CCDC73: variants seen among roughly 807,000 people sequenced by gnomAD.
CCDC73 encodes the protein coiled-coil domain containing 73, also known as coiled-coil domain-containing protein 73.
In CCDC73, 95 loss-of-function variants were observed where a neutral mutation model predicts 116.5. The observed-to-expected ratio is 0.82, with a 90% CI of 0.69 to 0.97. CCDC73 has a LOEUF of 0.97. Among genes scored for constraint, CCDC73 ranks in the 50% least tolerant of loss-of-function variants. The probability of loss-of-function intolerance (pLI) is 0.00; values close to 1 mark genes in which losing one functional copy is unlikely to be tolerated. For synonymous variants in CCDC73, 398 were observed against 401.3 expected, an observed-to-expected ratio of 0.99 and a Z score of 0.10; for missense variants, 1,066 against 1,206.8, an observed-to-expected ratio of 0.88 and a Z score of 1.73.
intron 14 of CCDC73, among the ~76,000 whole-genome samples, chr11:32,623,797 G>T (rs1855544240): frequency 1.3e-5 from 2 of 152,170 alleles, no homozygotes; most frequent in Non-Finnish European, 2.9e-5. Flanking sequence ...AAGTTTTTTT[G>T]TTATTTGTTT....
intron 1 of CCDC73, among the ~76,000 whole-genome samples, chr11:32,760,737 A>C (rs573015647): frequency 3.3e-4 from 51 of 152,370 alleles, no homozygotes; most frequent in Non-Finnish European, 7.2e-4. Flanking sequence ...TTCTCAACCC[A>C]GAAAATGTAT....
chr11:32,627,970 TA>T (rs948942811), intron 14 of CCDC73, among the ~76,000 whole-genome samples: 1 of 152,158 alleles, frequency 6.6e-6, no homozygotes, highest in African/African-American at 2.4e-5. Context: ...TAAAGTATAA[TA>T]AAAAAATAAA....
intron 3 of CCDC73, among the ~76,000 whole-genome samples, chr11:32,706,474 C>T (rs140884509): frequency 3.3e-5 from 5 of 152,300 alleles, no homozygotes; most frequent in East Asian, 3.9e-4. Flanking sequence ...TCATCAAGCA[C>T]TAGAGGAGAG....
In CCDC73 at chr11:32,611,193, G is replaced by C. The variant is rs201192897; in HGVS notation, c.2969C>G (p.Pro990Arg). ...TGCCATTGCATTCTTCTCTTCACTG[G>C]GTTCTCCCTTGGGATCTGGATGGAT... Reference protein sequence around the residue: ...WSIHPDPKGEPSEEKNAMAKT... With the variant: ...WSIHPDPKGERSEEKNAMAKT... The change falls in exon 17 of 18, where the codon CCC becomes CGC. Residue 990 changes from proline (P) to arginine (R), a missense_variant. Pro to Arg is a moderately radical substitution (Grantham distance 103). Transcript: ENST00000335185. The C allele has an allele frequency of 3.5e-4, 566 of 1,613,546 alleles. 1 individual carries two copies. The highest frequency in any genetic ancestry group is 2.4e-5 in the Non-Finnish European group (28 of 1,179,556).
chr11:32,772,770 G>A (rs1488228021), intron 1 of CCDC73, among the ~76,000 whole-genome samples: 1 of 152,194 alleles, frequency 6.6e-6, no homozygotes, highest in African/African-American at 2.4e-5. Flanking sequence ...TTTGAAAATA[G>A]AATGACACAC....
intron 7 of CCDC73, 165 bp downstream of exon 7, chr11:32,683,371 C>A: frequency 1.6e-6 from 1 of 631,438 alleles, no homozygotes; most frequent in Non-Finnish European, 2.9e-6. Flanking sequence ...TTCATTTATG[C>A]AACATGTGAA....
intron 6 of CCDC73, among the ~76,000 whole-genome samples, chr11:32,692,198 G>A (rs962428703): frequency 1.3e-5 from 2 of 151,914 alleles, no homozygotes; most frequent in Admixed American, 6.6e-5. Context: ...TCTGTGTCTA[G>A]ATTCATTTTT....
At chr11:32,755,034 T>C (rs12794635) in intron 2 of CCDC73, among the ~76,000 whole-genome samples, 126,848 of 149,542 alleles carry the variant, frequency 0.85, 54,381 homozygotes, top group East Asian at 1. Flanking sequence ...ATTACAGGCA[T>C]CCATCACCAT....
intron 6 of CCDC73, among the ~76,000 whole-genome samples, chr11:32,686,027 A>G (rs1350631666): frequency 6.6e-6 from 1 of 151,902 alleles, no homozygotes; most frequent in Non-Finnish European, 1.5e-5. Flanking sequence ...GCCCTGACTT[A>G]GCTTTTTAAA....
chr11:32,786,804 G>A (rs900600379), intron 1 of CCDC73, among the ~76,000 whole-genome samples: 1 of 151,822 alleles, frequency 6.6e-6, no homozygotes, highest in Non-Finnish European at 1.5e-5. Flanking sequence ...AACACAGAAT[G>A]GACAAATTAC....
At chr11:32,709,346 T>C (rs1280270508) in intron 3 of CCDC73, among the ~76,000 whole-genome samples, 1 of 152,202 alleles carries the variant, frequency 6.6e-6, no homozygotes, top group African/African-American at 2.4e-5. Context: ...TTGCCCAGGC[T>C]AGAGTGCAGT....
chr11:32,741,981 C>A (rs1394760376), intron 2 of CCDC73, among the ~76,000 whole-genome samples: 1 of 152,132 alleles, frequency 6.6e-6, no homozygotes, highest in Non-Finnish European at 1.5e-5. Flanking sequence ...CTACAAAGGA[C>A]ATGAACTCAT....
In CCDC73 at chr11:32,703,043, T is replaced by C. The variant is rs571073316; in HGVS notation, c.208-99A>G. 1.9e-5 allele frequency: 15 copies of C among 796,190 alleles called. No individual in the cohort carries two copies. The Admixed American group carries it at 2.2e-4, about 12-fold the overall frequency. 49.3% of individuals were successfully genotyped at this position (796,190 alleles called of 1,614,324 possible). On this transcript the variant is annotated intron_variant, in intron 3 of 17. Transcript: ENST00000335185. The stretch of plus-strand genomic sequence containing the variant: ...TCACAATTTAAAGTCAACCATACCT[T>C]CTACATATATTATTTTGTGTTCCTG...
intron 2 of CCDC73, among the ~76,000 whole-genome samples, chr11:32,731,124 A>G (rs1382323132): frequency 6.6e-6 from 1 of 152,202 alleles, no homozygotes; most frequent in Non-Finnish European, 1.5e-5. Context: ...CCAGGAGATT[A>G]TATCCTGCAC....
chr11:32,718,757 A>G (rs1463189157), intron 2 of CCDC73, among the ~76,000 whole-genome samples: 1 of 152,188 alleles, frequency 6.6e-6, no homozygotes, highest in East Asian at 1.9e-4. Context: ...ATCACTAAAA[A>G]TTCTACCTAG....
At chr11:32,736,032 T>C (rs1050851552) in intron 2 of CCDC73, among the ~76,000 whole-genome samples, 60 of 152,292 alleles carry the variant, frequency 3.9e-4, no homozygotes, top group African/African-American at 1.4e-3. Flanking sequence ...AAGACTTAAA[T>C]GTTAGACCTA....
Position 32,654,848 on chromosome 11 carries a change from T to G in CCDC73, c.770A>C (p.Asn257Thr). The change falls in exon 10 of 18, where the codon AAC (asparagine) becomes ACC (threonine). Residue 257 changes from asparagine (N) to threonine (T), a missense_variant. Transcript: ENST00000335185. ...CAAATACATTTAATAAAATACCATG[T>G]TGAGTCTTTCTTGAAGTTCTTGAAA... The part of the protein sequence containing the change: ...QKFQELQERL[N>T]MELELNEKIN... 2 of 1,502,424 alleles carry G rather than the reference T, an allele frequency of 1.3e-6. No individual in the cohort carries two copies. The highest frequency in any genetic ancestry group is 1.8e-6 in the Non-Finnish European group (2 of 1,102,370). The allele number at this position is 1,502,424 out of a possible 1,614,324, so 93.1% of individuals were successfully genotyped here. A position where few individuals can be genotyped will look rare whatever the true frequency, so the allele number is the denominator to read the frequency against.
chr11:32,754,432 T>C (rs1373198659), intron 2 of CCDC73, among the ~76,000 whole-genome samples: 1 of 152,152 alleles, frequency 6.6e-6, no homozygotes, highest in Non-Finnish European at 1.5e-5. Context: ...TGGGCCAATA[T>C]GCTGTCTATT....
chr11:32,745,683 T>C (rs548235842), intron 2 of CCDC73, among the ~76,000 whole-genome samples: 2 of 152,266 alleles, frequency 1.3e-5, no homozygotes, highest in East Asian at 1.9e-4. Flanking sequence ...CTGATCTTTG[T>C]TTGTTTAAAG....
Sources: allele counts gnomAD v4.1 joint callset (sites outside exome capture counted in the v4.1 genomes callset), GRCh38; gene constraint gnomAD v4.1.1; transcripts MANE v1.5; gene names NCBI Gene and HGNC (gene_info 2026-07-23, HGNC 2026-07-21).